The following TPM4 variants were observed in gnomAD, a reference collection of about 807,000 sequenced individuals.
The protein encoded by TPM4 is tropomyosin 4.
A neutral mutation model predicts 35.8 loss-of-function variants in TPM4; 17 were observed. That is an observed-to-expected ratio of 0.47 (90% CI 0.32 to 0.71). The LOEUF (loss-of-function observed/expected upper bound fraction) is 0.71. TPM4 is among the 30% of genes least tolerant of loss of function. The pLI is 0.03. For missense variants in TPM4, 240 were observed against 320.9 expected, an observed-to-expected ratio of 0.75 and a Z score of 1.93; for synonymous variants, 120 against 122.9, an observed-to-expected ratio of 0.98 and a Z score of 0.15.
chr19:16,096,656 A>G (rs946566544), intron 7 of TPM4, among the ~76,000 whole-genome samples: 1 of 152,068 alleles, frequency 6.6e-6, no homozygotes, highest in African/African-American at 2.4e-5. Flanking sequence ...TCCTGGGAGG[A>G]AGTTCACCTC....
intron 7 of TPM4, 89 bp downstream of exon 7, chr19:16,093,842 C>A: frequency 6.9e-7 from 1 of 1,457,424 alleles, no homozygotes; most frequent in Non-Finnish European, 9.5e-7. Flanking sequence ...TGTGGAGGGG[C>A]TGGGTTGGGC....
At chr19:16,071,686 G>C (rs150335234), upstream of TPM4, among the ~76,000 whole-genome samples, 1 of 152,216 alleles carries the variant, frequency 6.6e-6, no homozygotes, top group African/African-American at 2.4e-5. Context: ...CACTTAGAGC[G>C]CCTGACGCTG....
intron 1 of TPM4, chr19:16,077,371 C>G (rs994652614): frequency 5.3e-5 from 8 of 152,202 alleles, no homozygotes; most frequent in African/African-American, 1.9e-4. Flanking sequence ...GACCCTGCCT[C>G]TCTCCAGAAG....
chr19:16,093,798 T>C (rs779914933), intron 7 of TPM4, 45 bp downstream of exon 7: 6 of 1,603,290 alleles, frequency 3.7e-6, no homozygotes, highest in Non-Finnish European at 5.1e-6. Flanking sequence ...TGCCTTCCCC[T>C]CTGGGACACA....
chr19:16,098,510 T>A (rs1240129858), intron 7 of TPM4, among the ~76,000 whole-genome samples: 1 of 152,136 alleles, frequency 6.6e-6, no homozygotes, highest in African/African-American at 2.4e-5. Flanking sequence ...CTGTTGATAG[T>A]CTGTGAGCCT....
intron 7 of TPM4, chr19:16,095,250 C>T: frequency 9.8e-7 from 1 of 1,020,074 alleles, no homozygotes; most frequent in African/African-American, 1.7e-5. Flanking sequence ...TCCCTGGGGA[C>T]CTCCGCCCTC....
At chr19:16,091,918 A>G (rs2090631642) in intron 5 of TPM4, among the ~76,000 whole-genome samples, 1 of 151,938 alleles carries the variant, frequency 6.6e-6, no homozygotes, top group Admixed American at 6.6e-5. Context: ...AGTGTTAGTT[A>G]TTATTGGGAG....
At position 16,089,105 on chromosome 19, in the gene TPM4, G is replaced by T; in HGVS notation, c.516G>T (p.Glu172Asp). ...TTACTAACAATCTGAAATCTCTGGA[G>T]GCTGCATCTGAAAAGGTAGGTGGTT... ...KNVTNNLKSL[E>D]AASEKYSEKE... Residue 172 changes from glutamate to aspartate, a missense_variant, in exon 5 of 8, where the codon GAG becomes GAT. Transcript: ENST00000643579. 1 of 1,613,798 alleles carries T rather than the reference G, an allele frequency of 6.2e-7. No homozygotes were observed. The highest frequency in any genetic ancestry group is 8.5e-7 in the Non-Finnish European group (1 of 1,180,008).
upstream of TPM4, chr19:16,075,304 A>T (rs2090392562): frequency 1.3e-5 from 2 of 151,944 alleles, no homozygotes; most frequent in Admixed American, 1.3e-4. Context: ...GGAGGATAGG[A>T]CTCTTGGGAT....
At chr19:16,096,936 C>CTT (rs71178641) in intron 7 of TPM4, among the ~76,000 whole-genome samples, 1,917 of 68,894 alleles carry the variant, frequency 0.028, 506 homozygotes, top group Non-Finnish European at 0.037. Context: ...CAAGGTCACT[C>CTT]TTTTTTTTTT....
At chr19:16,071,808 G>A (rs756637105), upstream of TPM4, among the ~76,000 whole-genome samples, 10 of 152,134 alleles carry the variant, frequency 6.6e-5, no homozygotes, top group Non-Finnish European at 8.8e-5. Flanking sequence ...CAGCCCGGCC[G>A]CTTCCTGCCC....
chr19:16,096,703 T>C (rs1454294293), intron 7 of TPM4, among the ~76,000 whole-genome samples: 1 of 151,950 alleles, frequency 6.6e-6, no homozygotes, highest in Admixed American at 6.6e-5. Context: ...GTACAAGGAG[T>C]GAACGGGCCT....
rs2090485792 is a variant in TPM4 at position 16,081,794 on chromosome 19, G to C, written c.133-119G>C. ...ATGAGTGTAAATTCCCTATGGCCTG[G>C]ACTCCTGGGTGGGCTTTGACGGGGA... On this transcript the variant is annotated intron_variant, in intron 1 of 7. Coordinates refer to ENST00000643579, the MANE Select transcript of TPM4 (RefSeq NM_003290.3). The C allele has an allele frequency of 2.2e-6, 3 of 1,334,046 alleles. No homozygotes were observed. In the East Asian group the frequency reaches 7.1e-5, roughly 32 times the overall value. 82.6% of individuals were successfully genotyped at this position (1,334,046 alleles called of 1,614,324 possible). A position where few individuals can be genotyped will look rare whatever the true frequency, so the allele number is the denominator to read the frequency against.
intron 3 of TPM4, 151 bp from the exon 4 acceptor site, chr19:16,087,876 G>A (rs1269436866): frequency 4.1e-5 from 31 of 762,972 alleles, no homozygotes; most frequent in Middle Eastern, 7.5e-4. Context: ...GGGAGACTCC[G>A]TCCCCCTGCA....
Position 16,067,952 on chromosome 19 carries a change from G to C in TPM4, c.114+214G>C, listed in dbSNP as rs1284158790. 15 of 517,314 alleles carry C rather than the reference G, an allele frequency of 2.9e-5. No homozygotes were observed. Among genetic ancestry groups the C allele is most frequent in the Non-Finnish European group, 4.1e-5 (12 of 295,470 alleles). The allele number at this position is 517,314 out of a possible 1,614,324, so 32.0% of individuals were successfully genotyped here. A position where few individuals can be genotyped will look rare whatever the true frequency, so the allele number is the denominator to read the frequency against. On this transcript the variant is annotated intron_variant, in intron 2 of 2. Transcript: ENST00000589897. The surrounding 1 kb of genome is among the most constrained non-coding windows in gnomAD (Gnocchi z 4.1). ...ATCGGACCCACCCCCAGCAGGGCCA[G>C]TGCGAACAAAGTGAGTTTGACAGAG...
chr19:16,077,874 G>C (rs1283331222), intron 1 of TPM4: 3 of 297,878 alleles, frequency 1.0e-5, no homozygotes, highest in Non-Finnish European at 1.2e-5. Flanking sequence ...AGATTCTCCT[G>C]CTTCAGCCTC....
At chr19:16,081,809 T>C in intron 1 of TPM4, 104 bp from the exon 2 acceptor site, 1 of 1,398,580 alleles carries the variant, frequency 7.2e-7, no homozygotes, top group South Asian at 1.7e-5. Flanking sequence ...CTGGGTGGGC[T>C]TTGACGGGGA....
At chr19:16,086,123 TGCAG>T in intron 2 of TPM4, among the ~76,000 whole-genome samples, 1 of 149,852 alleles carries the variant, frequency 6.7e-6, no homozygotes, top group African/African-American at 2.5e-5. Flanking sequence ...GTTCCATCTT[TGCAG>T]TGTGTTACAG....
rs1568294826 is a variant in TPM4, at chr19:16,067,578, C to A, written c.-47C>A. ...CACAGCCCCTGACTGCCGCAGCCCC[C>A]ACAGAGCCCGCCGCGCACCCCACGT... is the stretch of plus-strand genomic sequence containing the variant. On this transcript the variant is annotated 5_prime_UTR_variant, in exon 2 of 3. Coordinates refer to the TPM4 transcript ENST00000589897. The surrounding 1 kb of genome is among the most constrained non-coding windows in gnomAD (Gnocchi z 4.1). The A allele has an allele frequency of 6.4e-7, 1 of 1,568,806 alleles. No individual in the cohort carries two copies. The highest frequency in any genetic ancestry group is 8.7e-7 in the Non-Finnish European group (1 of 1,148,904).
Sources: allele counts gnomAD v4.1 joint callset (sites outside exome capture counted in the v4.1 genomes callset), GRCh38; gene constraint gnomAD v4.1.1; non-coding constraint Gnocchi (gnomAD v3.1); transcripts MANE v1.5; gene names NCBI Gene and HGNC (gene_info 2026-07-23, HGNC 2026-07-21).